The following FAT3 variants were observed in gnomAD, a reference collection of about 807,000 sequenced individuals.
FAT3 encodes the protein protocadherin Fat 3.
Under a neutral mutation model 310.2 loss-of-function variants are expected in FAT3, and 95 were observed. The ratio of observed to expected loss-of-function variants is 0.31; its 90% CI spans 0.26 to 0.36. The LOEUF (loss-of-function observed/expected upper bound fraction) is 0.36, where lower values mean the gene tolerates loss of function less well. Among genes scored for constraint, FAT3 ranks in the 10% least tolerant of loss-of-function variants. The pLI is 1.00. For synonymous variants in FAT3, 2,314 were observed against 2,192.9 expected, an observed-to-expected ratio of 1.06 and a Z score of -1.54; for missense variants, 5,408 against 5,715.6, an observed-to-expected ratio of 0.95 and a Z score of 1.74.
rs566218023 is a variant in FAT3, at chr11:92,489,887, C to CTT, written c.3293-34733_3293-34732dup. 5.6e-4 allele frequency among the ~76,000 whole-genome samples: 79 copies of CTT among 139,974 alleles called. 1 individual carries two copies. Among genetic ancestry groups the CTT allele is most frequent in the Middle Eastern group, 3.8e-3 (1 of 266 alleles). The allele number at this position is 139,974 out of a possible 152,430, so 91.8% of individuals were successfully genotyped here. ...GAGTTTTCGTAGTTTTTTTCTTTTT[C>CTT]TTTTTTTTTTTTTTTACTTTCTCCC... is the stretch of plus-strand genomic sequence containing the variant. On this transcript the variant is annotated intron_variant, in intron 2 of 27. Transcript: ENST00000525166.
chr11:92,864,461 A>C (rs924894513), intron 21 of FAT3, among the ~76,000 whole-genome samples: 1 of 152,210 alleles, frequency 6.6e-6, no homozygotes, highest in African/African-American at 2.4e-5. Context: ...TTCTGGTATG[A>C]TTTACAATAT....
At chr11:92,836,763 G>A (rs989066739) in intron 16 of FAT3, 60 bp downstream of exon 16, 2 of 1,575,832 alleles carry the variant, frequency 1.3e-6, no homozygotes, top group East Asian at 4.5e-5. Context: ...TAGAATCAGG[G>A]GCACAAGCTC....
At chr11:92,338,939 C>T (rs1343980857) in intron 1 of FAT3, among the ~76,000 whole-genome samples, 1 of 152,120 alleles carries the variant, frequency 6.6e-6, no homozygotes, top group Non-Finnish European at 1.5e-5. Context: ...TGGAAGGGAA[C>T]CCAGTTTCTA....
rs1009754996 is a variant in FAT3 at position 92,825,385 on chromosome 11, G to A, written c.9482-6237G>A. Among the ~76,000 whole-genome samples the A allele has an allele frequency of 4.6e-5, 7 of 152,074 alleles. No individual in the cohort carries two copies. The South Asian group carries it at 8.3e-4, about 18-fold the overall frequency. ...GGATATGCATATAACTAATGATAAT[G>A]CAAAAAATAGAGGCAAAAATAACAT... On this transcript the variant is annotated intron_variant, in intron 13 of 27. Coordinates refer to ENST00000525166, the MANE Select transcript of FAT3 (RefSeq NM_001367949.2).
chr11:92,446,514 T>C (rs1951212554), intron 2 of FAT3, among the ~76,000 whole-genome samples: 1 of 152,176 alleles, frequency 6.6e-6, no homozygotes, highest in African/African-American at 2.4e-5. Flanking sequence ...TTTTGGATTT[T>C]CTAACCAATA....
chr11:92,766,369 G>T (rs1003166498), intron 6 of FAT3, among the ~76,000 whole-genome samples: 1 of 152,184 alleles, frequency 6.6e-6, no homozygotes, highest in East Asian at 1.9e-4. Context: ...CGGTCTGGGG[G>T]AATCATTTCC....
chr11:92,235,486 G>A (rs1251105743), intron 1 of FAT3, among the ~76,000 whole-genome samples: 2 of 152,038 alleles, frequency 1.3e-5, no homozygotes, highest in East Asian at 3.9e-4. Flanking sequence ...TCATTCCCTG[G>A]GCTCAGTGGG....
chr11:92,338,593 A>G (rs909766929), intron 1 of FAT3, among the ~76,000 whole-genome samples: 28 of 152,216 alleles, frequency 1.8e-4, no homozygotes, highest in Admixed American at 1.8e-3. Context: ...TTGGTAGTCA[A>G]GCAGAGAAAA....
intron 2 of FAT3, among the ~76,000 whole-genome samples, chr11:92,414,985 G>A (rs1950376583): frequency 6.9e-6 from 1 of 144,422 alleles, no homozygotes; most frequent in Non-Finnish European, 1.5e-5. Context: ...ACTCCAGGCT[G>A]GGCAAGAGTG....
At chr11:92,464,880 C>A (rs2135124020) in intron 2 of FAT3, among the ~76,000 whole-genome samples, 1 of 152,198 alleles carries the variant, frequency 6.6e-6, no homozygotes, top group East Asian at 1.9e-4. Flanking sequence ...AGGACCATGC[C>A]ATTTAAACTC....
intron 3 of FAT3, among the ~76,000 whole-genome samples, chr11:92,580,845 C>T (rs1938754149): frequency 6.6e-6 from 1 of 152,016 alleles, no homozygotes; most frequent in African/African-American, 2.4e-5. Flanking sequence ...ACATGGCCTC[C>T]TTGGCAGTTT....
intron 2 of FAT3, among the ~76,000 whole-genome samples, chr11:92,388,457 G>A (rs958718431): frequency 4.6e-5 from 7 of 152,190 alleles, no homozygotes; most frequent in Non-Finnish European, 8.8e-5. Context: ...TGGTAGGGAA[G>A]CAATATGCAA....
chr11:92,317,557 C>A (rs1180728403), intron 1 of FAT3, among the ~76,000 whole-genome samples: 1 of 152,198 alleles, frequency 6.6e-6, no homozygotes, highest in Non-Finnish European at 1.5e-5. Flanking sequence ...ATATCAAGTT[C>A]TCTTTGCTGG....
intron 2 of FAT3, among the ~76,000 whole-genome samples, chr11:92,386,738 G>A (rs1371478558): frequency 6.6e-6 from 1 of 152,156 alleles, no homozygotes; most frequent in Non-Finnish European, 1.5e-5. Flanking sequence ...GCTCCCCAGG[G>A]GCTGTTTTAT....
In FAT3 at chr11:92,857,244, G is replaced by C. The variant is rs1477198436; in HGVS notation, c.11396G>C (p.Cys3799Ser). The change falls in exon 20 of 28, where the codon TGT becomes TCT. Residue 3799 changes from cysteine (C) to serine (S), a missense_variant. Cys to Ser is a moderately radical substitution (Grantham distance 112). Coordinates refer to ENST00000525166, the MANE Select transcript of FAT3 (RefSeq NM_001367949.2). ...CTGTGTCCGGGGTCCAACGATCCTT[G>C]TGTGGAGAAGCCGTGTCCAGGGGAC... Reference protein sequence around the residue: ...GGLCPGSNDPCVEKPCPGDMQ... With the variant: ...GGLCPGSNDPSVEKPCPGDMQ... 4 of 1,613,892 alleles carry C rather than the reference G, an allele frequency of 2.5e-6. No homozygotes were observed. The highest frequency in any genetic ancestry group is 1.7e-5 in the Admixed American group (1 of 60,008).
chr11:92,691,249 A>G (rs765360781), intron 3 of FAT3, among the ~76,000 whole-genome samples: 1 of 152,148 alleles, frequency 6.6e-6, no homozygotes, highest in Non-Finnish European at 1.5e-5. Context: ...CTGTGATCTT[A>G]TGACCAGTTA....
chr11:92,439,198 G>T (rs563108305), intron 2 of FAT3, among the ~76,000 whole-genome samples: 2 of 152,060 alleles, frequency 1.3e-5, no homozygotes, highest in African/African-American at 4.8e-5. Context: ...TTAACAGAAG[G>T]CCACAAAGTA....
intron 3 of FAT3, among the ~76,000 whole-genome samples, chr11:92,696,700 A>G (rs1328958659): frequency 1.3e-5 from 2 of 152,182 alleles, no homozygotes; most frequent in East Asian, 3.8e-4. Context: ...AGAGGCCTTG[A>G]AGGTTTTGTC....
chr11:92,544,579 T>G (rs531462633), intron 3 of FAT3, among the ~76,000 whole-genome samples: 1 of 152,300 alleles, frequency 6.6e-6, no homozygotes, highest in East Asian at 1.9e-4. Context: ...TGGGACAAAC[T>G]GTGTCTGCCA....
Sources: gnomAD v4.1 joint callset for allele counts (sites outside exome capture counted in the v4.1 genomes callset) on GRCh38, gnomAD v4.1.1 for gene constraint, MANE v1.5 for transcripts, NCBI Gene and HGNC (gene_info 2026-07-23, HGNC 2026-07-21) for gene names.